The following FAM135A variants were observed in gnomAD, a reference collection of about 807,000 sequenced individuals.
FAM135A encodes protein FAM135A.
In FAM135A, 79 loss-of-function variants were observed where a neutral mutation model predicts 146.8. The observed-to-expected ratio is 0.54, with a 90% confidence interval of 0.45 to 0.65. FAM135A has a LOEUF of 0.65. Ranked by LOEUF, FAM135A falls within the 30% of genes least tolerant of loss-of-function variation. FAM135A has a pLI of 0.00. For missense variants in FAM135A, 1,623 were observed against 1,758.2 expected (o/e 0.92, Z 1.38); for synonymous variants, 562 against 603.6 (o/e 0.93, Z 1.01).
intron 10 of FAM135A, among the ~76,000 whole-genome samples, chr6:70,488,873 TGTCACTTTAAAAA>T (rs1295830670): frequency 6.6e-6 from 1 of 152,170 alleles, no homozygotes; most frequent in Non-Finnish European, 1.5e-5. Flanking sequence ...CTGTTATATA[TGTCACTTTAAAAA>T]GAAAAAATAA....
intron 4 of FAM135A, among the ~76,000 whole-genome samples, chr6:70,435,261 C>T (rs548695707): frequency 1.2e-4 from 18 of 151,340 alleles, no homozygotes; most frequent in African/African-American, 3.6e-4. Flanking sequence ...CCTGCCACCA[C>T]GCCCAGCTAA....
At chr6:70,444,202 A>G (rs1775193297) in intron 4 of FAM135A, among the ~76,000 whole-genome samples, 1 of 152,136 alleles carries the variant, frequency 6.6e-6, no homozygotes, top group Non-Finnish European at 1.5e-5. Flanking sequence ...CGGGAGTTTG[A>G]GACTAGCCTG....
intron 2 of FAM135A, among the ~76,000 whole-genome samples, chr6:70,418,851 A>G (rs1306545223): frequency 1.3e-5 from 2 of 152,236 alleles, no homozygotes; most frequent in Non-Finnish European, 2.9e-5. Flanking sequence ...AGGTTTGGGG[A>G]TGCAAGACTA....
chr6:70,428,777 C>T (rs1185765012), intron 4 of FAM135A, among the ~76,000 whole-genome samples: 1 of 152,088 alleles, frequency 6.6e-6, no homozygotes, highest in South Asian at 2.1e-4. Context: ...CATGATGAAG[C>T]TTATTTCACT....
At chr6:70,534,884 A>G (rs1189955414) in intron 18 of FAM135A, among the ~76,000 whole-genome samples, 4 of 152,186 alleles carry the variant, frequency 2.6e-5, no homozygotes, top group Admixed American at 6.5e-5. Flanking sequence ...GTTTCTACCT[A>G]AAGTCATTTT....
At chr6:70,477,371 C>T (rs1782829776) in intron 8 of FAM135A, 39 bp downstream of exon 8, 1 of 1,593,038 alleles carries the variant, frequency 6.3e-7, no homozygotes, top group Non-Finnish European at 8.6e-7. Flanking sequence ...GCCATTCTTA[C>T]ACTGCAATAA....
At chr6:70,430,664 A>G (rs17706748) in intron 4 of FAM135A, among the ~76,000 whole-genome samples, 19,779 of 152,220 alleles carry the variant, frequency 0.13, 1,528 homozygotes, top group Middle Eastern at 0.19. Context: ...TCCTTTTGTC[A>G]TGCTGAGAAC....
chr6:70,419,166 A>C (rs1768208559), intron 2 of FAM135A, among the ~76,000 whole-genome samples: 1 of 152,138 alleles, frequency 6.6e-6, no homozygotes, highest in Admixed American at 6.5e-5. Context: ...CACGCCTGTA[A>C]TCCCAGCACT....
intron 5 of FAM135A, among the ~76,000 whole-genome samples, chr6:70,463,360 C>T (rs1779779982): frequency 6.6e-6 from 1 of 151,526 alleles, no homozygotes; most frequent in African/African-American, 2.4e-5. Context: ...AGTGATAATC[C>T]CACATCAGCC....
In FAM135A at chr6:70,493,406, T is replaced by G. The variant is rs191086626; in HGVS notation, c.873+2323T>G. On this transcript the variant is annotated intron_variant, in intron 11 of 21. Coordinates refer to ENST00000418814, the MANE Select transcript of FAM135A (RefSeq NM_001162529.3). ...TTTACATGCGTCTATATTAAATGTT[T>G]AAAAATAACATATGTATCCATGTAT... is the stretch of plus-strand genomic sequence containing the variant. Among the ~76,000 whole-genome samples the G allele has an allele frequency of 6.7e-4, 102 of 152,298 alleles. 4 individuals carry two copies. Among genetic ancestry groups the G allele is most frequent in the Middle Eastern group, 3.4e-3 (1 of 294 alleles).
intron 4 of FAM135A, among the ~76,000 whole-genome samples, chr6:70,434,616 A>G (rs1391133270): frequency 1.3e-5 from 2 of 152,248 alleles, no homozygotes; most frequent in African/African-American, 2.4e-5. Context: ...CCATATTTGA[A>G]GTAGTACAGC....
chr6:70,526,756 C>CACACACACACAG, intron 15 of FAM135A, 58 bp downstream of exon 15: 1 of 823,196 alleles, frequency 1.2e-6, no homozygotes, highest in Admixed American at 3.4e-5. Flanking sequence ...TATATACACA[C>CACACACACACAG]ACACACACAT....
intron 8 of FAM135A, among the ~76,000 whole-genome samples, chr6:70,477,727 A>C (rs982517685): frequency 6.6e-6 from 1 of 152,164 alleles, no homozygotes; most frequent in African/African-American, 2.4e-5. Context: ...AACATTGAGG[A>C]TTACAATTCA....
intron 8 of FAM135A, among the ~76,000 whole-genome samples, chr6:70,478,321 T>TG (rs1433520559): frequency 2.0e-5 from 3 of 152,186 alleles, no homozygotes; most frequent in African/African-American, 7.2e-5. Context: ...CCTTGTAGTA[T>TG]GGGCAGCAGA....
intron 20 of FAM135A, among the ~76,000 whole-genome samples, chr6:70,540,527 A>G (rs1022767259): frequency 1.2e-4 from 18 of 151,908 alleles, no homozygotes; most frequent in African/African-American, 4.1e-4. Flanking sequence ...GGGTTTCACC[A>G]TGTTAGCCAG....
In FAM135A at chr6:70,526,220, C is replaced by T; in HGVS notation, c.3136C>T (p.Gln1046Ter). The change falls in exon 15 of 22, where the codon CAA (glutamine) becomes TAA (stop). Residue 1046 changes from glutamine (Q) to a stop codon, truncating the protein, a stop_gained. Transcript: ENST00000418814. LOFTEE classifies it high-confidence loss of function. ...GCTTGTGGAAAATTATTTTGGTTCT[C>T]AAAGCAGTACGGATATTTCTGACAC... Reference protein sequence around the residue: ...QGLVENYFGSQSSTDISDTCA... With the variant: ...QGLVENYFGS 1 of 1,613,344 alleles carries T rather than the reference C, an allele frequency of 6.2e-7. No individual in the cohort carries two copies. Among genetic ancestry groups the T allele is most frequent in the Non-Finnish European group, 8.5e-7 (1 of 1,179,590 alleles).
intron 5 of FAM135A, among the ~76,000 whole-genome samples, chr6:70,462,709 G>GTGTA (rs1779660342): frequency 6.6e-6 from 1 of 151,698 alleles, no homozygotes; most frequent in Non-Finnish European, 1.5e-5. Flanking sequence ...TTTTTTGTGT[G>GTGTA]TGTATATATG....
chr6:70,469,846 A>G (rs1387356804), intron 5 of FAM135A, among the ~76,000 whole-genome samples: 2 of 152,214 alleles, frequency 1.3e-5, no homozygotes, highest in Middle Eastern at 3.4e-3. Flanking sequence ...GGGCAACATA[A>G]TGAGACCTCA....
intron 16 of FAM135A, 68 bp from the exon 17 acceptor site, chr6:70,533,092 A>C: frequency 8.0e-7 from 1 of 1,253,408 alleles, no homozygotes; most frequent in Admixed American, 1.8e-5. Flanking sequence ...AACTGTAAAA[A>C]TATGTGATGG....
Sources: gnomAD v4.1 joint callset for allele counts (sites outside exome capture counted in the v4.1 genomes callset) on GRCh38, gnomAD v4.1.1 for gene constraint, MANE v1.5 for transcripts, NCBI Gene and HGNC (gene_info 2026-07-23, HGNC 2026-07-21) for gene names.